PHF24: variants seen among roughly 807,000 people sequenced by gnomAD.
The protein encoded by PHF24 is Galpha inhibitory interacting protein.
PHF24 carries 25 observed loss-of-function variants against 42.6 expected under a neutral mutation model. That is an observed-to-expected ratio of 0.59 (90% CI 0.43 to 0.82). The LOEUF (loss-of-function observed/expected upper bound fraction) is 0.82, where lower values mean the gene tolerates loss of function less well. Ranked by LOEUF, PHF24 falls within the 40% of genes least tolerant of loss-of-function variation. The pLI is 0.00. For synonymous variants in PHF24, 185 were observed against 204.8 expected (o/e 0.90, Z 0.83); for missense variants, 470 against 538.1 (o/e 0.87, Z 1.25).
the PHF24 span, among the ~76,000 whole-genome samples, chr9:34,708,126 A>C: frequency 2.0e-5 from 3 of 151,862 alleles, no homozygotes; most frequent in Non-Finnish European, 4.4e-5. Context: ...CCCCGCCTGG[A>C]GGTGATTTGG....
At chr9:34,917,998 A>G in the PHF24 span, 25 of 1,355,012 alleles carry the variant, frequency 1.8e-5, no homozygotes, top group Non-Finnish European at 2.4e-5. Context: ...GAGGCCATCA[A>G]GAAATTAAGC....
At chr9:34,729,222 G>A in the PHF24 span, 11 of 1,500,216 alleles carry the variant, frequency 7.3e-6, no homozygotes, top group African/African-American at 1.4e-5. Flanking sequence ...AAGGGAGCAC[G>A]GTAAGAACTT....
the PHF24 span, among the ~76,000 whole-genome samples, chr9:34,836,711 G>C: frequency 6.6e-6 from 1 of 152,208 alleles, no homozygotes; most frequent in Non-Finnish European, 1.5e-5. Context: ...CCCATGTAAG[G>C]ATGTAGCTGT....
chr9:34,722,449 A>G, the PHF24 span, among the ~76,000 whole-genome samples: 91 of 152,112 alleles, frequency 6.0e-4, 1 homozygote, highest in African/African-American at 1.9e-3. Flanking sequence ...TTATTTTTGT[A>G]TGGTTTGAGA....
At chr9:34,913,512 G>A in the PHF24 span, among the ~76,000 whole-genome samples, 2 of 152,148 alleles carry the variant, frequency 1.3e-5, no homozygotes, top group African/African-American at 4.8e-5. Context: ...GCTTAGAAAT[G>A]CTATCATTTT....
At chr9:34,967,190 C>T (rs1052914846) in intron 1 of PHF24, among the ~76,000 whole-genome samples, 2 of 152,234 alleles carry the variant, frequency 1.3e-5, no homozygotes, top group African/African-American at 4.8e-5. Context: ...CTTGAATAAA[C>T]TGTTCATCTT....
At chr9:34,778,590 C>T in the PHF24 span, among the ~76,000 whole-genome samples, 2 of 151,994 alleles carry the variant, frequency 1.3e-5, no homozygotes, top group Non-Finnish European at 2.9e-5. Context: ...TAAATGTATG[C>T]GTATTTATAC....
chr9:34,842,502 C>T, the PHF24 span, among the ~76,000 whole-genome samples: 1 of 152,138 alleles, frequency 6.6e-6, no homozygotes, highest in South Asian at 2.1e-4. Flanking sequence ...AAAACCTCTG[C>T]CCTCATGAAT....
At chr9:34,939,586 C>T in the PHF24 span, among the ~76,000 whole-genome samples, 1 of 152,162 alleles carries the variant, frequency 6.6e-6, no homozygotes. Context: ...AATGGACCTG[C>T]CATAATATCC....
chr9:34,712,083 T>C, the PHF24 span, among the ~76,000 whole-genome samples: 1 of 152,164 alleles, frequency 6.6e-6, no homozygotes, highest in Non-Finnish European at 1.5e-5. Context: ...TTTTGCTGGA[T>C]ATATAGAATT....
the PHF24 span, among the ~76,000 whole-genome samples, chr9:34,771,284 A>G: frequency 6.6e-6 from 1 of 152,246 alleles, no homozygotes; most frequent in African/African-American, 2.4e-5. Flanking sequence ...GAGGCTATAT[A>G]TTGCGTAGTC....
At chr9:34,852,452 A>C in the PHF24 span, among the ~76,000 whole-genome samples, 1 of 152,212 alleles carries the variant, frequency 6.6e-6, no homozygotes, top group Non-Finnish European at 1.5e-5. Context: ...AATTCTTATA[A>C]GATGGGTCTG....
the PHF24 span, among the ~76,000 whole-genome samples, chr9:34,878,912 C>T: frequency 6.6e-5 from 10 of 152,192 alleles, no homozygotes; most frequent in African/African-American, 1.9e-4. Flanking sequence ...GACAGACTGC[C>T]TCCTCAAGTG....
the PHF24 span, among the ~76,000 whole-genome samples, chr9:34,938,705 G>A: frequency 3.3e-5 from 5 of 151,894 alleles, no homozygotes; most frequent in African/African-American, 9.7e-5. Context: ...CGAGGCCGGC[G>A]GATCACGAGG....
the PHF24 span, among the ~76,000 whole-genome samples, chr9:34,875,308 C>A: frequency 6.6e-6 from 1 of 152,062 alleles, no homozygotes; most frequent in Admixed American, 6.6e-5. Flanking sequence ...TAGAGGTAAC[C>A]AACTTTAAAC....
At chr9:34,874,908 G>GAGAA in the PHF24 span, among the ~76,000 whole-genome samples, 1 of 152,104 alleles carries the variant, frequency 6.6e-6, no homozygotes. Context: ...GCACGTCATG[G>GAGAA]AGAATGGGGC....
the PHF24 span, among the ~76,000 whole-genome samples, chr9:34,949,021 G>C: frequency 1.0e-3 from 159 of 152,274 alleles, no homozygotes; most frequent in Non-Finnish European, 1.5e-3. Context: ...CATAATAACA[G>C]ATGCTAAAGC....
At chr9:34,722,066 A>G in the PHF24 span, among the ~76,000 whole-genome samples, 1 of 152,058 alleles carries the variant, frequency 6.6e-6, no homozygotes, top group Admixed American at 6.5e-5. Context: ...ATCCAGTTGC[A>G]TGGTTTTTTC....
the PHF24 span, chr9:34,727,007 CA>C: frequency 1.9e-6 from 3 of 1,539,572 alleles, no homozygotes; most frequent in Non-Finnish European, 2.6e-6. Flanking sequence ...GGAAACACGG[CA>C]AAATTAACGA....
Sources: gnomAD v4.1 joint callset for allele counts (sites outside exome capture counted in the v4.1 genomes callset) on GRCh38, gnomAD v4.1.1 for gene constraint, MANE v1.5 for transcripts, NCBI Gene and HGNC (gene_info 2026-07-23, HGNC 2026-07-21) for gene names.